The following PCNX2 variants were observed in gnomAD, a reference collection of about 807,000 sequenced individuals.
PCNX2 encodes the protein pecanex 2.
Under a neutral mutation model 223.8 loss-of-function variants are expected in PCNX2, and 168 were observed. That is an observed-to-expected ratio of 0.75 (90% CI 0.66 to 0.85). The LOEUF (loss-of-function observed/expected upper bound fraction) is 0.85, where lower values mean the gene tolerates loss of function less well. Ranked by LOEUF, PCNX2 falls within the 40% of genes least tolerant of loss-of-function variation. The pLI, the probability that PCNX2 is intolerant of heterozygous loss-of-function variation, is 0.00. For synonymous variants in PCNX2, 1,006 were observed against 1,052.6 expected, an observed-to-expected ratio of 0.96 and a Z score of 0.86; for missense variants, 2,507 against 2,675.5, an observed-to-expected ratio of 0.94 and a Z score of 1.39.
chr1:233,290,791 A>C, intron 1 of PCNX2: 2 of 985,468 alleles, frequency 2.0e-6, no homozygotes, highest in East Asian at 1.1e-4. Context: ...AAACAGAACA[A>C]GTCTGGCTAA....
At chr1:233,091,183 G>A (rs965711613) in intron 22 of PCNX2, among the ~76,000 whole-genome samples, 8 of 152,058 alleles carry the variant, frequency 5.3e-5, no homozygotes, top group African/African-American at 1.7e-4. Flanking sequence ...CTGGTCCTAG[G>A]GTATTAGGAC....
chr1:233,075,814 C>T (rs1016562970), intron 23 of PCNX2, among the ~76,000 whole-genome samples: 11 of 152,108 alleles, frequency 7.2e-5, no homozygotes, highest in African/African-American at 2.7e-4. Context: ...CAATTTGTAT[C>T]TCTGATTCTA....
chr1:233,166,275 C>T (rs976042039), intron 17 of PCNX2, among the ~76,000 whole-genome samples: 1 of 151,992 alleles, frequency 6.6e-6, no homozygotes, highest in Non-Finnish European at 1.5e-5. Context: ...CATCATGAAC[C>T]TAACAAACCA....
chr1:233,075,921 A>G (rs1373144530), intron 23 of PCNX2, among the ~76,000 whole-genome samples: 1 of 152,182 alleles, frequency 6.6e-6, no homozygotes, highest in Non-Finnish European at 1.5e-5. Context: ...AACTTCAACT[A>G]TTCATTCAGT....
chr1:233,297,155 C>T (rs190003252), upstream of PCNX2, among the ~76,000 whole-genome samples: 1 of 152,302 alleles, frequency 6.6e-6, no homozygotes, highest in East Asian at 1.9e-4. Context: ...CCAATCAACT[C>T]CACATTAAAG....
At chr1:233,204,512 C>T (rs766324990) in intron 13 of PCNX2, among the ~76,000 whole-genome samples, 2 of 152,196 alleles carry the variant, frequency 1.3e-5, no homozygotes, top group Non-Finnish European at 2.9e-5. Context: ...CTCCATATAG[C>T]AATGGCAGCA....
intron 17 of PCNX2, among the ~76,000 whole-genome samples, chr1:233,177,420 C>T (rs1049467325): frequency 6.6e-6 from 1 of 152,142 alleles, no homozygotes; most frequent in Non-Finnish European, 1.5e-5. Flanking sequence ...AATGTGAGGC[C>T]CCATTCCAGC....
At chr1:233,054,625 C>A in intron 24 of PCNX2, 142 bp from the exon 25 acceptor site, 1 of 693,398 alleles carries the variant, frequency 1.4e-6, no homozygotes, top group Non-Finnish European at 2.4e-6. Context: ...GTTCTTCCCA[C>A]ATTTTAGTGG....
intron 21 of PCNX2, among the ~76,000 whole-genome samples, chr1:233,103,724 A>T (rs1333704186): frequency 1.3e-5 from 2 of 152,190 alleles, no homozygotes; most frequent in African/African-American, 2.4e-5. Context: ...GGCTATTGTG[A>T]ATAGTGCTGC....
intron 1 of PCNX2, chr1:233,285,016 A>G (rs1661375774): frequency 2.0e-6 from 2 of 985,140 alleles, no homozygotes; most frequent in Non-Finnish European, 2.4e-6. Context: ...CCTGCTAACC[A>G]TACCCCTGAC....
chr1:233,147,962 AT>A (rs1389014341), intron 19 of PCNX2, among the ~76,000 whole-genome samples: 1 of 152,212 alleles, frequency 6.6e-6, no homozygotes, highest in Non-Finnish European at 1.5e-5. Flanking sequence ...CTTTACTATT[AT>A]TTTTATAGGA....
intron 15 of PCNX2, among the ~76,000 whole-genome samples, chr1:233,192,007 TG>T (rs1558327288): frequency 6.6e-6 from 1 of 152,200 alleles, no homozygotes; most frequent in African/African-American, 2.4e-5. Flanking sequence ...ACATTTTCCC[TG>T]GGAAAAATCA....
Position 233,208,438 on chromosome 1 carries a change from A to C in PCNX2, c.2863+80T>G, listed in dbSNP as rs45487795. ...CTCTTCACCCAATAATCAAGTAAGG[A>C]AGCTTAGAAATTCAGAAGACAAAGG... On this transcript the variant is annotated intron_variant, in intron 13 of 33. Coordinates refer to ENST00000258229, the MANE Select transcript of PCNX2 (RefSeq NM_014801.4). 8,616 of 1,411,432 alleles carry C rather than the reference A, an allele frequency of 6.1e-3. 36 individuals carry two copies. Among genetic ancestry groups the C allele is most frequent in the Non-Finnish European group, 7.6e-3 (7,859 of 1,038,686 alleles). 87.4% of individuals were successfully genotyped at this position (1,411,432 alleles called of 1,614,324 possible).
At chr1:233,281,316 C>G (rs1330676286) in intron 1 of PCNX2, among the ~76,000 whole-genome samples, 1 of 152,174 alleles carries the variant, frequency 6.6e-6, no homozygotes, top group Non-Finnish European at 1.5e-5. Flanking sequence ...TGATAGGGAA[C>G]TATATCCCAA....
At chr1:233,185,219 C>G (rs1680026718) in intron 15 of PCNX2, among the ~76,000 whole-genome samples, 1 of 151,938 alleles carries the variant, frequency 6.6e-6, no homozygotes, top group Non-Finnish European at 1.5e-5. Context: ...CCTTCATATG[C>G]AGACTGCCAT....
At chr1:233,043,592 T>C (rs1193071682) in intron 25 of PCNX2, among the ~76,000 whole-genome samples, 1 of 118,542 alleles carries the variant, frequency 8.4e-6, no homozygotes, top group African/African-American at 3.2e-5. Context: ...GAGTGTGATG[T>C]TCCCCTTCCT....
At chr1:233,237,179 T>C (rs1393570404) in intron 8 of PCNX2, among the ~76,000 whole-genome samples, 199 bp from the exon 9 acceptor site, 1 of 152,174 alleles carries the variant, frequency 6.6e-6, no homozygotes, top group Non-Finnish European at 1.5e-5. Flanking sequence ...CCTGCATACA[T>C]TGAAATTACT....
At chr1:233,105,233 A>G (rs775896229) in intron 21 of PCNX2, among the ~76,000 whole-genome samples, 6 of 152,248 alleles carry the variant, frequency 3.9e-5, no homozygotes, top group Non-Finnish European at 8.8e-5. Flanking sequence ...GGTCCACTTC[A>G]TAATGATATA....
At chr1:233,155,193 T>C (rs1000016882) in intron 19 of PCNX2, among the ~76,000 whole-genome samples, 2 of 151,836 alleles carry the variant, frequency 1.3e-5, no homozygotes, top group African/African-American at 4.8e-5. Flanking sequence ...TGGGCTCGAG[T>C]GATCTTCCTG....
Sources: allele counts gnomAD v4.1 joint callset (sites outside exome capture counted in the v4.1 genomes callset), GRCh38; gene constraint gnomAD v4.1.1; transcripts MANE v1.5; gene names NCBI Gene and HGNC (gene_info 2026-07-23, HGNC 2026-07-21).